Variants in TBCK observed in about 807,000 individuals in gnomAD.
The protein encoded by TBCK is TBC1 domain containing kinase.
Under a neutral mutation model 113.4 loss-of-function variants are expected in TBCK, and 99 were observed. That is an observed-to-expected ratio of 0.87 (90% CI 0.74 to 1.03). The LOEUF (loss-of-function observed/expected upper bound fraction) is 1.03. Ranked by LOEUF, TBCK falls within the 50% of genes least tolerant of loss-of-function variation. TBCK has a pLI of 0.00. For synonymous variants in TBCK, 369 were observed against 370.8 expected (o/e 1.00, Z 0.05); for missense variants, 1,045 against 1,061.3 (o/e 0.98, Z 0.21).
In TBCK at chr4:106,256,785, C is replaced by T. The variant is rs530917519; in HGVS notation, c.455+3652G>A. Among the ~76,000 whole-genome samples, 500 of 152,228 alleles carry T rather than the reference C, an allele frequency of 3.3e-3. 3 individuals are homozygous for T. Among genetic ancestry groups the T allele is most frequent in the African/African-American group, 0.011 (476 of 41,542 alleles). On this transcript the variant is annotated intron_variant, in intron 5 of 25. Transcript: ENST00000394708. ...ATGGTAGTGGCCATCCCAGACAGGC[C>T]GCCACTGCCATCAATACCTGATTTG...
intron 20 of TBCK, among the ~76,000 whole-genome samples, chr4:106,210,971 AT>A (rs1756060761): frequency 6.6e-6 from 1 of 152,032 alleles, no homozygotes; most frequent in Non-Finnish European, 1.5e-5. Flanking sequence ...TCTACACATT[AT>A]TTTTTAAAGA....
chr4:106,084,922 G>GCTC, intron 25 of TBCK, among the ~76,000 whole-genome samples: 2 of 152,260 alleles, frequency 1.3e-5, no homozygotes, highest in Middle Eastern at 6.8e-3. Context: ...TCCTGCAAGA[G>GCTC]CTCCTGAAAG....
intron 23 of TBCK, among the ~76,000 whole-genome samples, chr4:106,156,588 C>A (rs1228972220): frequency 6.6e-6 from 1 of 152,186 alleles, no homozygotes; most frequent in Non-Finnish European, 1.5e-5. Flanking sequence ...TCATGAGACA[C>A]AGTATTTCCC....
chr4:106,113,218 A>C (rs1743062093), intron 24 of TBCK, among the ~76,000 whole-genome samples: 1 of 152,202 alleles, frequency 6.6e-6, no homozygotes, highest in Non-Finnish European at 1.5e-5. Context: ...TCACAGTGGA[A>C]TATCCAACAT....
intron 3 of TBCK, among the ~76,000 whole-genome samples, chr4:106,290,264 G>A (rs1444899210): frequency 2.0e-5 from 3 of 152,028 alleles, no homozygotes; most frequent in African/African-American, 4.8e-5. Flanking sequence ...TGCAATCTCC[G>A]CCTCCCGGGT....
chr4:106,131,957 T>A (rs1474840652), intron 23 of TBCK, among the ~76,000 whole-genome samples: 1 of 152,168 alleles, frequency 6.6e-6, no homozygotes, highest in Non-Finnish European at 1.5e-5. Flanking sequence ...CTGTGGAACT[T>A]TGAACTTGAT....
chr4:106,263,602 T>A (rs899902231), intron 3 of TBCK, among the ~76,000 whole-genome samples: 2 of 151,840 alleles, frequency 1.3e-5, no homozygotes, highest in African/African-American at 4.8e-5. Flanking sequence ...ATTTTGTTTA[T>A]CAAACTCATT....
chr4:106,100,707 G>A (rs1405044020), intron 24 of TBCK, among the ~76,000 whole-genome samples: 1 of 152,060 alleles, frequency 6.6e-6, no homozygotes, highest in Non-Finnish European at 1.5e-5. Flanking sequence ...TACCTGTTTA[G>A]AATTTTTTAA....
chr4:106,052,331 TTATA>T (rs1734906093), intron 25 of TBCK, among the ~76,000 whole-genome samples: 1 of 151,792 alleles, frequency 6.6e-6, no homozygotes, highest in Non-Finnish European at 1.5e-5. Context: ...TATTAGTGTG[TTATA>T]TATGAGAAAA....
intron 23 of TBCK, among the ~76,000 whole-genome samples, chr4:106,127,625 G>C (rs1281961121): frequency 1.3e-5 from 2 of 152,032 alleles, no homozygotes; most frequent in Admixed American, 6.6e-5. Flanking sequence ...ATAGGCCTAA[G>C]TACACCTGAA....
intron 25 of TBCK, among the ~76,000 whole-genome samples, chr4:106,070,440 C>T (rs1358364819): frequency 3.3e-5 from 5 of 152,002 alleles, no homozygotes; most frequent in African/African-American, 7.2e-5. Flanking sequence ...TGATGGATTA[C>T]GTTTATTGAT....
At chr4:106,110,028 T>G (rs569700520) in intron 24 of TBCK, among the ~76,000 whole-genome samples, 5 of 152,348 alleles carry the variant, frequency 3.3e-5, no homozygotes, top group African/African-American at 1.2e-4. Flanking sequence ...GTTAGTTTAT[T>G]TAGGCCTTGG....
At chr4:106,111,069 CTCTT>C (rs1199042051) in intron 24 of TBCK, among the ~76,000 whole-genome samples, 3 of 152,098 alleles carry the variant, frequency 2.0e-5, no homozygotes, top group Non-Finnish European at 4.4e-5. Context: ...CTCTGCAGAC[CTCTT>C]TCTAACAATG....
At chr4:106,138,822 AG>A (rs1746858889) in intron 23 of TBCK, among the ~76,000 whole-genome samples, 1 of 141,416 alleles carries the variant, frequency 7.1e-6, no homozygotes, top group Non-Finnish European at 1.6e-5. Context: ...TAACTTCTGA[AG>A]GTAGAACTTT....
At chr4:106,168,356 A>G (rs1750628378) in intron 23 of TBCK, among the ~76,000 whole-genome samples, 1 of 151,918 alleles carries the variant, frequency 6.6e-6, no homozygotes, top group South Asian at 2.1e-4. Flanking sequence ...CAACTTGTAA[A>G]AAACATCTAC....
intron 22 of TBCK, among the ~76,000 whole-genome samples, chr4:106,184,010 A>T (rs1046285152): frequency 1.3e-5 from 2 of 152,068 alleles, no homozygotes; most frequent in African/African-American, 4.8e-5. Flanking sequence ...AGAGCATTAT[A>T]ATTCTCCCTA....
intron 3 of TBCK, among the ~76,000 whole-genome samples, chr4:106,287,271 TC>T (rs538365228): frequency 1.7e-3 from 252 of 152,316 alleles, no homozygotes; most frequent in Middle Eastern, 0.01. Flanking sequence ...TATAATCCTT[TC>T]TTTTTTCTAC....
At chr4:106,297,711 C>T (rs1236871924) in intron 2 of TBCK, 1 of 152,254 alleles carries the variant, frequency 6.6e-6, no homozygotes, top group East Asian at 1.9e-4. Flanking sequence ...AGGACACTTA[C>T]ACATGGGTTC....
At chr4:106,104,732 T>G (rs984217707) in intron 24 of TBCK, among the ~76,000 whole-genome samples, 1 of 152,230 alleles carries the variant, frequency 6.6e-6, no homozygotes, top group Non-Finnish European at 1.5e-5. Context: ...ACACTTGGTA[T>G]AGGTGCCTTT....
Sources: allele counts gnomAD v4.1 joint callset (sites outside exome capture counted in the v4.1 genomes callset), GRCh38; gene constraint gnomAD v4.1.1; transcripts MANE v1.5; gene names NCBI Gene and HGNC (gene_info 2026-07-23, HGNC 2026-07-21).